The following RALGPS1 variants were observed in gnomAD, a reference collection of about 807,000 sequenced individuals.
RALGPS1 encodes ras-specific guanine nucleotide-releasing factor RalGPS1.
RALGPS1 carries 19 observed loss-of-function variants against 78.8 expected under a neutral mutation model. The observed-to-expected ratio is 0.24, with a 90% CI of 0.17 to 0.35. The LOEUF (loss-of-function observed/expected upper bound fraction) is 0.35. Among genes scored for constraint, RALGPS1 ranks in the 10% least tolerant of loss-of-function variants. RALGPS1 has a pLI of 1.00. For missense variants in RALGPS1, 454 were observed against 688.3 expected, an observed-to-expected ratio of 0.66 and a Z score of 3.81; for synonymous variants, 228 against 256.3, an observed-to-expected ratio of 0.89 and a Z score of 1.06.
intron 4 of RALGPS1, 65 bp downstream of exon 4, chr9:126,977,810 C>T: frequency 8.2e-7 from 1 of 1,224,746 alleles, no homozygotes; most frequent in Non-Finnish European, 1.2e-6. Flanking sequence ...TTTAGCCAGC[C>T]ACTGTTAGAG....
intron 14 of RALGPS1, among the ~76,000 whole-genome samples, chr9:127,202,734 C>T (rs1401732655): frequency 6.6e-6 from 1 of 152,156 alleles, no homozygotes; most frequent in Non-Finnish European, 1.5e-5. Context: ...TGGGCCAGGG[C>T]CCTCAGGAAC....
At chr9:127,210,472 G>A (rs1043240775) in intron 14 of RALGPS1, 15 of 570,498 alleles carry the variant, frequency 2.6e-5, no homozygotes, top group Middle Eastern at 4.6e-4. Flanking sequence ...AAAGAATTAC[G>A]CGGAGACTTG....
chr9:126,982,922 CTTCTTCTTTTTTTTTTTT>C (rs1461964401), intron 4 of RALGPS1, among the ~76,000 whole-genome samples: 171 of 71,204 alleles, frequency 2.4e-3, no homozygotes, highest in Middle Eastern at 0.014. Context: ...TCTTCTTCTT[CTTCTTCTTTTTTTTTTTT>C]TTTTTTTTTT....
At chr9:127,069,167 C>T (rs1258934705) in intron 7 of RALGPS1, 63 bp from the exon 8 acceptor site, 11 of 1,441,212 alleles carry the variant, frequency 7.6e-6, no homozygotes, top group Admixed American at 5.7e-5. Context: ...TCTTCATCCA[C>T]AGTTATCCAC....
chr9:127,064,871 A>ATTTT (rs1193350358), intron 7 of RALGPS1, among the ~76,000 whole-genome samples: 1 of 143,076 alleles, frequency 7.0e-6, no homozygotes, highest in Non-Finnish European at 1.5e-5. Context: ...GGATTTATTT[A>ATTTT]TTTTTTTGTT....
chr9:126,970,644 TGA>T (rs1001720682), intron 3 of RALGPS1, among the ~76,000 whole-genome samples: 6 of 151,844 alleles, frequency 4.0e-5, no homozygotes, highest in African/African-American at 4.8e-5. Flanking sequence ...TGTGTGTGAG[TGA>T]GAGAGAGAAA....
At chr9:127,209,355 C>A (rs1392206006) in intron 14 of RALGPS1, among the ~76,000 whole-genome samples, 1 of 152,226 alleles carries the variant, frequency 6.6e-6, no homozygotes, top group African/African-American at 2.4e-5. Context: ...TTTGACTTGT[C>A]CAAAATGAGA....
Position 127,212,102 on chromosome 9 carries a change from G to T in RALGPS1, c.1248-29G>T. 6.3e-7 allele frequency: 1 copy of T among 1,579,254 alleles called. No homozygotes were observed. ...GGTGCTTGACCTCAGCTCCTCCAGG[G>T]CGATGTCTGACTGGTAGTCTCTCCT... On this transcript the variant is annotated intron_variant, in intron 14 of 18. Transcript: ENST00000259351. The surrounding 1 kb of genome is among the most constrained non-coding windows in gnomAD (Gnocchi z 6.0).
At chr9:126,985,501 C>T (rs2041714578) in intron 4 of RALGPS1, among the ~76,000 whole-genome samples, 1 of 152,076 alleles carries the variant, frequency 6.6e-6, no homozygotes, top group Non-Finnish European at 1.5e-5. Flanking sequence ...TTACTTAATT[C>T]CCTTGATATT....
intron 10 of RALGPS1, among the ~76,000 whole-genome samples, chr9:127,170,402 C>A (rs897439722): frequency 2.0e-5 from 3 of 152,108 alleles, no homozygotes; most frequent in Non-Finnish European, 4.4e-5. Flanking sequence ...AGACATAATG[C>A]TTTTAGTTGT....
rs1352053342 is a variant in RALGPS1, at chr9:127,220,885, C to G, written c.*2116C>G. The stretch of plus-strand genomic sequence containing the variant: ...ACCACAAAAACAGGTAATTTTCTAT[C>G]CCTTATAAGTTTGTCTTTTCTTTCA... On this transcript the variant is annotated 3_prime_UTR_variant, in exon 19 of 19. Coordinates refer to ENST00000259351, the MANE Select transcript of RALGPS1 (RefSeq NM_014636.3). The G allele has an allele frequency of 6.6e-6, 1 of 152,612 alleles. No individual in the cohort carries two copies. Among genetic ancestry groups the G allele is most frequent in the Non-Finnish European group, 1.5e-5 (1 of 68,032 alleles). The allele number at this position is 152,612 out of a possible 1,614,324, so 9.5% of individuals were successfully genotyped here.
At chr9:126,945,547 GGAT>G (rs1414394762) in intron 1 of RALGPS1, among the ~76,000 whole-genome samples, 1 of 152,160 alleles carries the variant, frequency 6.6e-6, no homozygotes, top group East Asian at 1.9e-4. Flanking sequence ...TTCAGTCTGA[GGAT>G]GTGCTTAGAA....
intron 8 of RALGPS1, 53 bp from the exon 9 acceptor site, chr9:127,166,016 G>T: frequency 1.3e-6 from 2 of 1,558,710 alleles, no homozygotes; most frequent in Non-Finnish European, 8.6e-7. Context: ...GTGCTATTTT[G>T]TTCTGGTTTG....
intron 8 of RALGPS1, among the ~76,000 whole-genome samples, chr9:127,132,550 GTGCCCAGCACAGTGCTTGACACA>G (rs2057080759): frequency 1.3e-5 from 2 of 152,230 alleles, no homozygotes; most frequent in South Asian, 4.1e-4. Flanking sequence ...TGGGTCTCCA[GTGCCCAGCACAGTGCTTGACACA>G]CACCAGGGGG....
chr9:127,084,901 A>G (rs1475435316), intron 8 of RALGPS1, among the ~76,000 whole-genome samples: 12 of 152,160 alleles, frequency 7.9e-5, no homozygotes, highest in Admixed American at 7.9e-4. Context: ...TTTTGGCTTA[A>G]TCTAGTCATG....
rs183300135 is a variant in RALGPS1, at chr9:127,221,486, G to A, written c.*2717G>A. 257 of 152,212 alleles carry A rather than the reference G, an allele frequency of 1.7e-3. No individual in the cohort carries two copies. The highest frequency in any genetic ancestry group is 5.8e-3 in the African/African-American group (239 of 41,524). The allele number at this position is 152,212 out of a possible 1,614,324, so 9.4% of individuals were successfully genotyped here. A position where few individuals can be genotyped will look rare whatever the true frequency, so the allele number is the denominator to read the frequency against. The stretch of plus-strand genomic sequence containing the variant: ...CAAGAACAACTCACCTCTCTCCCTA[G>A]GACTAATTTTTGTCTCTCTCAGTTG... On this transcript the variant is annotated 3_prime_UTR_variant, in exon 19 of 19. Coordinates refer to ENST00000259351, the MANE Select transcript of RALGPS1 (RefSeq NM_014636.3).
chr9:127,110,022 G>T (rs966898534), intron 8 of RALGPS1, among the ~76,000 whole-genome samples: 52 of 152,200 alleles, frequency 3.4e-4, no homozygotes, highest in African/African-American at 1.2e-3. Flanking sequence ...TAATCATACG[G>T]TTTTTTCTCT....
At chr9:127,008,100 T>C (rs1167243207) in intron 4 of RALGPS1, among the ~76,000 whole-genome samples, 2 of 148,594 alleles carry the variant, frequency 1.3e-5, no homozygotes, top group Non-Finnish European at 3.0e-5. Flanking sequence ...GAGTCAAGGA[T>C]ATCTCCCAAG....
At chr9:127,012,070 G>T (rs768097311) in intron 4 of RALGPS1, among the ~76,000 whole-genome samples, 1 of 152,152 alleles carries the variant, frequency 6.6e-6, no homozygotes, top group Non-Finnish European at 1.5e-5. Flanking sequence ...CTGAAACCCC[G>T]ACTCTCTTGG....
Sources: gnomAD v4.1 joint callset for allele counts (sites outside exome capture counted in the v4.1 genomes callset) on GRCh38, gnomAD v4.1.1 for gene constraint, Gnocchi (gnomAD v3.1) non-coding constraint, MANE v1.5 for transcripts, NCBI Gene and HGNC (gene_info 2026-07-23, HGNC 2026-07-21) for gene names.